WDR27: variants seen among roughly 807,000 people sequenced by gnomAD.
WDR27 encodes the protein WD repeat domain 27, also known as WD repeat-containing protein 27.
WDR27 carries 100 observed loss-of-function variants against 114.4 expected under a neutral mutation model. The ratio of observed to expected loss-of-function variants is 0.87; its 90% CI spans 0.74 to 1.03. The LOEUF is 1.03. Ranked by LOEUF, WDR27 falls within the 50% of genes least tolerant of loss-of-function variation. The pLI is 0.00. For synonymous variants in WDR27, 449 were observed against 423.1 expected, an observed-to-expected ratio of 1.06 and a Z score of -0.75; for missense variants, 1,129 against 1,092.9, an observed-to-expected ratio of 1.03 and a Z score of -0.47.
chr6:169,690,142 G>C lies in WDR27; in HGVS notation c.-7-1130C>G, dbSNP rs143475353. Among the ~76,000 whole-genome samples, 407 of 151,226 alleles carry C rather than the reference G, an allele frequency of 2.7e-3. 3 individuals carry two copies. Among genetic ancestry groups the C allele is most frequent in the African/African-American group, 9.1e-3 (374 of 41,056 alleles). Reference sequence around the variant, plus strand: ...ACCATGAGGCCCTCATGCTGGTCATGTGGATTCAAAGGATCCACCCATTAG... The same window carrying C: ...ACCATGAGGCCCTCATGCTGGTCATCTGGATTCAAAGGATCCACCCATTAG... On this transcript the variant is annotated intron_variant, in intron 1 of 25. Transcript: ENST00000448612.
the WDR27 span, among the ~76,000 whole-genome samples, chr6:169,435,045 G>A: frequency 1.4e-4 from 21 of 152,208 alleles, no homozygotes; most frequent in African/African-American, 4.8e-4. Context: ...CTGTGTCCCA[G>A]CTGCTCTAGC....
chr6:169,472,615 A>T (rs1022650428), intron 25 of WDR27, among the ~76,000 whole-genome samples: 2 of 152,348 alleles, frequency 1.3e-5, no homozygotes, highest in African/African-American at 4.8e-5. Context: ...TGAATTAAAC[A>T]AATGATAGAT....
chr6:169,645,523 A>G (rs574750313), intron 16 of WDR27, among the ~76,000 whole-genome samples: 5 of 151,964 alleles, frequency 3.3e-5, no homozygotes, highest in Admixed American at 2.0e-4. Context: ...CACACTGTAG[A>G]AAATCCTAGT....
At chr6:169,594,387 T>C (rs1439313985) in intron 23 of WDR27, among the ~76,000 whole-genome samples, 2 of 152,212 alleles carry the variant, frequency 1.3e-5, no homozygotes, top group East Asian at 3.8e-4. Context: ...AATAAGACAC[T>C]TTCCTTGCTG....
the WDR27 span, among the ~76,000 whole-genome samples, chr6:169,428,608 A>C: frequency 2.6e-5 from 3 of 114,468 alleles, no homozygotes; most frequent in East Asian, 3.2e-4. Context: ...GGCGGGGGGG[A>C]GGGGGGGGTT....
At chr6:169,645,931 T>G (rs988380293) in intron 16 of WDR27, among the ~76,000 whole-genome samples, 7 of 150,314 alleles carry the variant, frequency 4.7e-5, no homozygotes, top group Admixed American at 1.3e-4. Context: ...AAAATCCTAG[T>G]TCACAGGAGT....
At chr6:169,650,397 C>T (rs1378361060) in intron 14 of WDR27, among the ~76,000 whole-genome samples, 5 of 145,878 alleles carry the variant, frequency 3.4e-5, no homozygotes, top group African/African-American at 1.0e-4. Context: ...ATCCGTCATC[C>T]CTCCATCCCC....
chr6:169,687,923 T>G (rs1227662969), intron 2 of WDR27, among the ~76,000 whole-genome samples: 1 of 152,136 alleles, frequency 6.6e-6, no homozygotes, highest in African/African-American at 2.4e-5. Flanking sequence ...CCTTTACAAC[T>G]CAGCAATTAT....
At chr6:169,663,977 G>A (rs927230256) in intron 8 of WDR27, among the ~76,000 whole-genome samples, 189 bp downstream of exon 8, 2 of 152,196 alleles carry the variant, frequency 1.3e-5, no homozygotes, top group Admixed American at 1.3e-4. Context: ...CACACCAGGT[G>A]CCTCCATCTG....
At chr6:169,477,533 G>C (rs541039311) in intron 25 of WDR27, among the ~76,000 whole-genome samples, 2 of 152,248 alleles carry the variant, frequency 1.3e-5, no homozygotes, top group Admixed American at 1.3e-4. Context: ...CCGCCTCCCA[G>C]GTTCAAACAA....
At chr6:169,426,468 T>A in the WDR27 span, 1 of 152,182 alleles carries the variant, frequency 6.6e-6, no homozygotes, top group African/African-American at 2.4e-5. Context: ...CGTCTCAAAT[T>A]TACAGTAAGA....
chr6:169,664,109 G>C, intron 8 of WDR27, 57 bp downstream of exon 8: 1 of 1,465,514 alleles, frequency 6.8e-7, no homozygotes, highest in Non-Finnish European at 9.2e-7. Flanking sequence ...TTGACATGGC[G>C]CCTGGTGAAA....
intron 17 of WDR27, among the ~76,000 whole-genome samples, chr6:169,641,929 C>G (rs976635414): frequency 1.3e-5 from 2 of 152,218 alleles, no homozygotes; most frequent in African/African-American, 4.8e-5. Flanking sequence ...GGCACATGCT[C>G]GGCGGAAGGC....
chr6:169,674,961 G>A (rs1779717835), intron 2 of WDR27, among the ~76,000 whole-genome samples: 1 of 152,194 alleles, frequency 6.6e-6, no homozygotes, highest in African/African-American at 2.4e-5. Flanking sequence ...TTTGAGCCAG[G>A]ATGAGCCAGG....
chr6:169,680,692 A>C (rs1265891033), intron 2 of WDR27, among the ~76,000 whole-genome samples: 1 of 152,238 alleles, frequency 6.6e-6, no homozygotes, highest in Non-Finnish European at 1.5e-5. Flanking sequence ...GCAAAAGTAA[A>C]ATGCATGACA....
chr6:169,679,145 G>A (rs1313268036), intron 2 of WDR27, among the ~76,000 whole-genome samples: 1 of 152,102 alleles, frequency 6.6e-6, no homozygotes, highest in Non-Finnish European at 1.5e-5. Flanking sequence ...TCGCCTTTCT[G>A]AATGAAATCA....
At chr6:169,498,481 A>G (rs1009869506) in intron 25 of WDR27, among the ~76,000 whole-genome samples, 3 of 152,232 alleles carry the variant, frequency 2.0e-5, no homozygotes, top group African/African-American at 4.8e-5. Flanking sequence ...AAAATGGAAG[A>G]AAAAATAGAT....
chr6:169,518,104 C>T (rs1465590155), intron 25 of WDR27, among the ~76,000 whole-genome samples: 2 of 152,220 alleles, frequency 1.3e-5, no homozygotes, highest in East Asian at 3.8e-4. Flanking sequence ...TATGGGTTTG[C>T]AGGCTTCAGA....
In WDR27 at chr6:169,473,259, C is replaced by A. The variant is rs201812120; in HGVS notation, c.2646-15625G>T. Among the ~76,000 whole-genome samples, 8 of 152,318 alleles carry A rather than the reference C, an allele frequency of 5.3e-5. 1 individual carries two copies. The East Asian group carries it at 1.5e-3, about 29-fold the overall frequency. ...AGAAGATGTGCCACTTGACCCAGCTCTCTGTCCACATCAGCTCATCCCCAG... is the reference window on the plus strand; with the variant it reads ...AGAAGATGTGCCACTTGACCCAGCTATCTGTCCACATCAGCTCATCCCCAG... On this transcript the variant is annotated intron_variant, in intron 25 of 25. Transcript: ENST00000448612.
Sources: gnomAD v4.1 joint callset for allele counts (sites outside exome capture counted in the v4.1 genomes callset) on GRCh38, gnomAD v4.1.1 for gene constraint, MANE v1.5 for transcripts, NCBI Gene and HGNC (gene_info 2026-07-23, HGNC 2026-07-21) for gene names.